Variants in KATNA1 observed in about 807,000 individuals in gnomAD.
The protein encoded by KATNA1 is katanin p60 ATPase-containing subunit A1.
A neutral mutation model predicts 62.6 loss-of-function variants in KATNA1; 42 were observed. The observed-to-expected ratio is 0.67, with a 90% CI of 0.52 to 0.87. The LOEUF is 0.87. Among genes scored for constraint, KATNA1 ranks in the 40% least tolerant of loss-of-function variants. The probability of loss-of-function intolerance (pLI) is 0.00; values close to 1 mark genes in which losing one functional copy is unlikely to be tolerated. For synonymous variants in KATNA1, 186 were observed against 201.9 expected (o/e 0.92, Z 0.67); for missense variants, 498 against 612.5 (o/e 0.81, Z 1.97).
At chr6:149,637,049 T>C (rs747320400) in intron 2 of KATNA1, among the ~76,000 whole-genome samples, 2 of 152,184 alleles carry the variant, frequency 1.3e-5, no homozygotes, top group African/African-American at 2.4e-5. Flanking sequence ...TTTAAATTTT[T>C]GTTAGTCCTC....
chr6:149,601,667 T>C lies in KATNA1; in HGVS notation c.815A>G (p.Asn272Ser), dbSNP rs778857317. The C allele has an allele frequency of 6.2e-7, 1 of 1,612,958 alleles. No homozygotes were observed. The highest frequency in any genetic ancestry group is 2.2e-5 in the East Asian group (1 of 44,812). Reference sequence around the variant, plus strand: ...GGAAGTCAAAGTTGATGAAGAGACATTGAAGAATGTTGTCTTGCATTCTGT... The same window carrying C: ...GGAAGTCAAAGTTGATGAAGAGACACTGAAGAATGTTGTCTTGCATTCTGT... ...VATECKTTFF[N>S]VSSSTLTSKY... is the part of the protein sequence containing the mutation. Residue 272 changes from asparagine to serine, a missense_variant, in exon 7 of 11, where the codon AAT (asparagine) becomes AGT (serine). Physicochemically the swap from Asn to Ser is conservative, Grantham distance 46 (BLOSUM62 1). This residue lies in a region of KATNA1 where 267 missense variants were observed against 372.6 expected (regional missense o/e 0.72). Transcript: ENST00000367411.
Position 149,621,209 on chromosome 6 carries a change from C to T in KATNA1, c.501+1894G>A, listed in dbSNP as rs187065995. Among the ~76,000 whole-genome samples the T allele has an allele frequency of 3.6e-3, 542 of 151,640 alleles. 3 individuals are homozygous for T. The highest frequency in any genetic ancestry group is 0.012 in the African/African-American group (514 of 41,296). On this transcript the variant is annotated intron_variant, in intron 4 of 10. Coordinates refer to ENST00000367411, the MANE Select transcript of KATNA1 (RefSeq NM_007044.4). ...CGCGATCTTAGGTCACTGCAAGCTC[C>T]ACCTCCCGGGTTCAAGCCATTGTCC... is the stretch of plus-strand genomic sequence containing the variant.
intron 4 of KATNA1, among the ~76,000 whole-genome samples, chr6:149,605,738 A>G (rs1464098288): frequency 2.6e-5 from 4 of 152,126 alleles, no homozygotes; most frequent in Non-Finnish European, 4.4e-5. Context: ...TAAGACTGCT[A>G]TACTCCTCTT....
chr6:149,606,323 TA>T (rs548243009), intron 4 of KATNA1, among the ~76,000 whole-genome samples: 3 of 152,160 alleles, frequency 2.0e-5, no homozygotes, highest in Non-Finnish European at 4.4e-5. Flanking sequence ...ATTACTAAGA[TA>T]CTTATGAATA....
At chr6:149,630,853 C>A (rs943259967) in intron 3 of KATNA1, among the ~76,000 whole-genome samples, 1 of 152,050 alleles carries the variant, frequency 6.6e-6, no homozygotes, top group African/African-American at 2.4e-5. Context: ...ATTGTTAGGA[C>A]TGCTACAGCA....
chr6:149,607,513 C>G (rs1329616396), intron 4 of KATNA1, among the ~76,000 whole-genome samples: 1 of 152,128 alleles, frequency 6.6e-6, no homozygotes, highest in African/African-American at 2.4e-5. Flanking sequence ...ACTCAAGAGG[C>G]TGAGAGGAGA....
rs1465809925 is a variant in KATNA1, at chr6:149,634,541, T to C, written c.163-1625A>G. 2.0e-5 allele frequency among the ~76,000 whole-genome samples: 3 copies of C among 152,178 alleles called. No individual in the cohort carries two copies. In the South Asian group the frequency reaches 6.2e-4, roughly 31 times the overall value. On this transcript the variant is annotated intron_variant, in intron 2 of 10. Coordinates refer to ENST00000367411, the MANE Select transcript of KATNA1 (RefSeq NM_007044.4). ...ATGTTTTAGAGACAAGGTTTCATTC[T>C]GTTGCCCAGGCTGTACTACAGTGGC...
At chr6:149,641,179 GTTTT>G (rs34750075) in intron 1 of KATNA1, among the ~76,000 whole-genome samples, 1 of 130,628 alleles carries the variant, frequency 7.7e-6, no homozygotes, top group South Asian at 2.5e-4. Context: ...CTGGCCTCGG[GTTTT>G]TTTTTTTTTT....
intron 3 of KATNA1, 127 bp from the exon 4 acceptor site, chr6:149,623,410 A>AGG: frequency 1.6e-6 from 1 of 608,158 alleles, no homozygotes; most frequent in East Asian, 3.1e-5. Context: ...ACACGACTGA[A>AGG]TAAACTTCAG....
intron 2 of KATNA1, among the ~76,000 whole-genome samples, chr6:149,636,685 G>A (rs1291533821): frequency 6.6e-6 from 1 of 151,380 alleles, no homozygotes; most frequent in East Asian, 1.9e-4. Context: ...TCTGTTGCCA[G>A]GCTGGAGTGC....
At chr6:149,628,319 C>T (rs1011956950) in intron 3 of KATNA1, among the ~76,000 whole-genome samples, 5 of 144,106 alleles carry the variant, frequency 3.5e-5, no homozygotes, top group South Asian at 4.4e-4. Flanking sequence ...CTGTGTTAGG[C>T]AGAATGGTTT....
intron 4 of KATNA1, among the ~76,000 whole-genome samples, chr6:149,617,167 A>T (rs1779197731): frequency 6.6e-6 from 1 of 152,216 alleles, no homozygotes; most frequent in Non-Finnish European, 1.5e-5. Flanking sequence ...GAATGATAAG[A>T]ATGATGACTT....
chr6:149,617,097 C>T (rs964305909), intron 4 of KATNA1, among the ~76,000 whole-genome samples: 1 of 152,082 alleles, frequency 6.6e-6, no homozygotes, highest in Non-Finnish European at 1.5e-5. Flanking sequence ...TGAGGTACCT[C>T]GAATAGTCAA....
At chr6:149,625,832 G>A (rs1020390747) in intron 3 of KATNA1, among the ~76,000 whole-genome samples, 1 of 151,470 alleles carries the variant, frequency 6.6e-6, no homozygotes, top group South Asian at 2.1e-4. Flanking sequence ...TACTTGGGAG[G>A]CTGAGGCATG....
At chr6:149,611,810 T>C (rs895680712) in intron 4 of KATNA1, among the ~76,000 whole-genome samples, 3 of 151,756 alleles carry the variant, frequency 2.0e-5, no homozygotes, top group Admixed American at 2.0e-4. Flanking sequence ...CCATCCTGGC[T>C]AACATGGTGA....
At chr6:149,626,292 C>CATTTTTTTTTTT in intron 3 of KATNA1, among the ~76,000 whole-genome samples, 1 of 88,726 alleles carries the variant, frequency 1.1e-5, no homozygotes, top group South Asian at 3.9e-4. Context: ...ATAACATTTA[C>CATTTTTTTTTTT]TTTTTTTTTT....
chr6:149,623,927 A>G (rs182149548), intron 3 of KATNA1, among the ~76,000 whole-genome samples: 1 of 152,282 alleles, frequency 6.6e-6, no homozygotes, highest in Admixed American at 6.5e-5. Context: ...ATTATCAGAG[A>G]AGAGAGTTTT....
At chr6:149,605,348 G>T (rs895485112) in intron 4 of KATNA1, among the ~76,000 whole-genome samples, 1 of 152,120 alleles carries the variant, frequency 6.6e-6, no homozygotes, top group Admixed American at 6.6e-5. Flanking sequence ...AAATGTGGTC[G>T]CAAGTGAATA....
chr6:149,640,974 G>A (rs918634348), intron 1 of KATNA1, among the ~76,000 whole-genome samples: 6 of 151,696 alleles, frequency 4.0e-5, no homozygotes, highest in South Asian at 2.1e-4. Context: ...GGGTTCAAGC[G>A]ATTCTCCTGA....
Sources: gnomAD v4.1 joint callset for allele counts (sites outside exome capture counted in the v4.1 genomes callset) on GRCh38, gnomAD v4.1.1 for gene constraint, gnomAD v4.1.1 regional missense constraint, MANE v1.5 for transcripts, NCBI Gene and HGNC (gene_info 2026-07-23, HGNC 2026-07-21) for gene names.